Variants in LRMDA observed in about 807,000 individuals in gnomAD.
LRMDA encodes leucine-rich melanocyte differentiation-associated protein.
A neutral mutation model predicts 29.8 loss-of-function variants in LRMDA; 18 were observed. The observed-to-expected ratio is 0.60, with a 90% CI of 0.42 to 0.90. The LOEUF (loss-of-function observed/expected upper bound fraction) is 0.90. Among genes scored for constraint, LRMDA ranks in the 40% least tolerant of loss-of-function variants. The probability of loss-of-function intolerance (pLI) is 0.00; values close to 1 mark genes in which losing one functional copy is unlikely to be tolerated. For synonymous variants in LRMDA, 125 were observed against 109.4 expected (o/e 1.14, Z -0.89); for missense variants, 273 against 273.9 (o/e 1.00, Z 0.02).
intron 2 of LRMDA, among the ~76,000 whole-genome samples, chr10:75,713,699 A>G (rs918353276): frequency 1.3e-5 from 2 of 152,152 alleles, no homozygotes; most frequent in African/African-American, 4.8e-5. Context: ...AAAGTTTGAG[A>G]GTCTTCTTTT....
chr10:76,410,419 C>T (rs1841947989), intron 6 of LRMDA, among the ~76,000 whole-genome samples: 1 of 149,976 alleles, frequency 6.7e-6, no homozygotes, highest in African/African-American at 2.5e-5. Context: ...AGTGATCCTC[C>T]CATCTCAGCA....
chr10:75,741,872 TG>T (rs1842833955), intron 2 of LRMDA, among the ~76,000 whole-genome samples: 1 of 152,058 alleles, frequency 6.6e-6, no homozygotes, highest in Non-Finnish European at 1.5e-5. Context: ...GTGGGGCCTT[TG>T]GGGGGTGATT....
At chr10:76,333,098 A>G (rs1020136105) in intron 6 of LRMDA, among the ~76,000 whole-genome samples, 2 of 152,184 alleles carry the variant, frequency 1.3e-5, no homozygotes, top group African/African-American at 4.8e-5. Flanking sequence ...GTGGAGAGCA[A>G]AAGAAGGGCA....
At chr10:76,507,536 G>C (rs144298764) in intron 6 of LRMDA, among the ~76,000 whole-genome samples, 84 of 152,136 alleles carry the variant, frequency 5.5e-4, no homozygotes, top group African/African-American at 1.9e-3. Context: ...GTTGTTGGCT[G>C]TGCTTTTGAG....
At chr10:75,791,034 T>A (rs146534112) in intron 2 of LRMDA, among the ~76,000 whole-genome samples, 45 of 152,352 alleles carry the variant, frequency 3.0e-4, no homozygotes, top group African/African-American at 1.0e-3. Flanking sequence ...AGGGGCTTCA[T>A]TCCGAGCTAT....
chr10:75,621,226 CCACACACCCACA>C (rs1841181332), intron 2 of LRMDA, among the ~76,000 whole-genome samples: 1 of 116,728 alleles, frequency 8.6e-6, no homozygotes, highest in African/African-American at 3.0e-5. Flanking sequence ...ACACACACAC[CCACACACCCACA>C]CACACACCAC....
chr10:75,909,849 A>G (rs1845815777), intron 2 of LRMDA, among the ~76,000 whole-genome samples: 1 of 152,236 alleles, frequency 6.6e-6, no homozygotes, highest in African/African-American at 2.4e-5. Context: ...ATATCACATC[A>G]TATTTGTGAG....
intron 2 of LRMDA, among the ~76,000 whole-genome samples, chr10:75,519,690 A>C: frequency 6.6e-6 from 1 of 152,158 alleles, no homozygotes; most frequent in Non-Finnish European, 1.5e-5. Context: ...ATTTAAGGTT[A>C]ATATTGTTAT....
At chr10:75,753,829 A>G (rs545997567) in intron 2 of LRMDA, among the ~76,000 whole-genome samples, 1 of 151,468 alleles carries the variant, frequency 6.6e-6, no homozygotes, top group East Asian at 1.9e-4. Context: ...TAGCACAGTC[A>G]TTGTGGTGGT....
chr10:75,567,347 C>A (rs1321649987), intron 2 of LRMDA, among the ~76,000 whole-genome samples: 2 of 152,174 alleles, frequency 1.3e-5, no homozygotes, highest in Non-Finnish European at 2.9e-5. Flanking sequence ...GGCCCATTTC[C>A]TTTCTGTGGC....
intron 1 of LRMDA, among the ~76,000 whole-genome samples, chr10:75,431,962 G>C (rs1844203675): frequency 6.6e-6 from 1 of 152,300 alleles, no homozygotes; most frequent in East Asian, 1.9e-4. Context: ...TGATGTGCGG[G>C]AAGAACACCC....
At chr10:76,123,907 G>C (rs1390339364) in intron 5 of LRMDA, among the ~76,000 whole-genome samples, 2 of 152,218 alleles carry the variant, frequency 1.3e-5, no homozygotes, top group Non-Finnish European at 2.9e-5. Context: ...AAGGATGGAT[G>C]GGTGAAAGAT....
chr10:76,161,151 G>C (rs1191148555), intron 5 of LRMDA, among the ~76,000 whole-genome samples: 2 of 152,134 alleles, frequency 1.3e-5, no homozygotes, highest in African/African-American at 4.8e-5. Context: ...TATGCCAAGG[G>C]AGATAAATTG....
intron 6 of LRMDA, among the ~76,000 whole-genome samples, chr10:76,408,253 G>A (rs1295300108): frequency 6.6e-6 from 1 of 152,148 alleles, no homozygotes. Context: ...AATGTCTGTG[G>A]TCAACAGAGA....
chr10:75,501,919 A>G (rs1042007796), intron 2 of LRMDA, among the ~76,000 whole-genome samples: 2 of 152,126 alleles, frequency 1.3e-5, no homozygotes, highest in Admixed American at 1.3e-4. Context: ...TCAGTCTCCC[A>G]AAGTGCTGGG....
At chr10:75,930,863 G>T (rs1419622184) in intron 2 of LRMDA, among the ~76,000 whole-genome samples, 1 of 152,184 alleles carries the variant, frequency 6.6e-6, no homozygotes, top group East Asian at 1.9e-4. Flanking sequence ...CAACTAATAA[G>T]CCTAATAAGA....
intron 6 of LRMDA, among the ~76,000 whole-genome samples, chr10:76,511,600 A>C (rs889482227): frequency 6.6e-6 from 1 of 151,894 alleles, no homozygotes; most frequent in East Asian, 1.9e-4. Flanking sequence ...GAACTATCCA[A>C]AAATGAAATT....
intron 2 of LRMDA, among the ~76,000 whole-genome samples, chr10:75,897,249 A>T (rs1845599159): frequency 6.6e-6 from 1 of 152,210 alleles, no homozygotes; most frequent in Non-Finnish European, 1.5e-5. Flanking sequence ...TCTATCAACA[A>T]TTCTTTTCCT....
chr10:75,515,300 G>T (rs1185794944), intron 2 of LRMDA, among the ~76,000 whole-genome samples: 1 of 152,192 alleles, frequency 6.6e-6, no homozygotes, highest in Non-Finnish European at 1.5e-5. Context: ...GAACTAGATA[G>T]TGGTGATGGT....
Sources: gnomAD v4.1 joint callset for allele counts (sites outside exome capture counted in the v4.1 genomes callset) on GRCh38, gnomAD v4.1.1 for gene constraint, MANE v1.5 for transcripts, NCBI Gene and HGNC (gene_info 2026-07-23, HGNC 2026-07-21) for gene names.